METTL15: variants seen among roughly 807,000 people sequenced by gnomAD.
The protein encoded by METTL15 is 12S rRNA N(4)-cytidine methyltransferase METTL15.
METTL15 carries 34 observed loss-of-function variants against 38.3 expected under a neutral mutation model. The ratio of observed to expected loss-of-function variants is 0.89; its 90% CI spans 0.68 to 1.18. METTL15 has a LOEUF of 1.18. METTL15 is among the 50% of genes most tolerant of loss of function. The pLI is 0.00. For synonymous variants in METTL15, 162 were observed against 170.9 expected (o/e 0.95, Z 0.41); for missense variants, 438 against 498.4 (o/e 0.88, Z 1.15).
intron 6 of METTL15, among the ~76,000 whole-genome samples, chr11:28,430,402 G>A (rs1350782756): frequency 1.4e-4 from 9 of 64,506 alleles, no homozygotes; most frequent in African/African-American, 2.8e-4. Flanking sequence ...CCGGCCAGCC[G>A]CCCCGTCCGG....
intron 4 of METTL15, among the ~76,000 whole-genome samples, chr11:28,354,375 G>A (rs1200454734): frequency 6.6e-6 from 1 of 152,194 alleles, no homozygotes. Flanking sequence ...CAGTGAAGAA[G>A]TGGGCTTTAT....
intron 4 of METTL15, among the ~76,000 whole-genome samples, chr11:28,219,252 A>G (rs890594307): frequency 6.6e-6 from 1 of 152,160 alleles, no homozygotes. Context: ...TTATTGGTCT[A>G]TTCAGAGATT....
chr11:28,495,337 G>C (rs1851527157), intron 6 of METTL15, among the ~76,000 whole-genome samples: 1 of 152,090 alleles, frequency 6.6e-6, no homozygotes, highest in South Asian at 2.1e-4. Context: ...AGTTTAGAAG[G>C]GCTGGAGGAT....
chr11:28,400,039 A>G (rs560444245), intron 5 of METTL15, among the ~76,000 whole-genome samples: 1 of 152,032 alleles, frequency 6.6e-6, no homozygotes, highest in South Asian at 2.1e-4. Context: ...GATTTGCCTC[A>G]TCTTAGATCA....
chr11:28,234,959 A>T (rs903693675), intron 4 of METTL15, among the ~76,000 whole-genome samples: 2 of 151,030 alleles, frequency 1.3e-5, no homozygotes, highest in African/African-American at 4.9e-5. Flanking sequence ...TAAATCTTTA[A>T]TCCATCTTGA....
At chr11:28,220,526 A>C (rs376074677) in intron 4 of METTL15, among the ~76,000 whole-genome samples, 34 of 152,214 alleles carry the variant, frequency 2.2e-4, no homozygotes, top group East Asian at 2.1e-3. Context: ...ATTTGCCAGT[A>C]TGTGTCTTTT....
At chr11:28,398,520 G>T (rs1013236824) in intron 5 of METTL15, among the ~76,000 whole-genome samples, 4 of 151,768 alleles carry the variant, frequency 2.6e-5, no homozygotes, top group African/African-American at 9.7e-5. Flanking sequence ...CTTTTTGATG[G>T]GGTTGTTTTT....
chr11:28,386,372 G>A (rs1850440938), intron 5 of METTL15, among the ~76,000 whole-genome samples: 1 of 151,696 alleles, frequency 6.6e-6, no homozygotes, highest in African/African-American at 2.4e-5. Flanking sequence ...ATCAGCAAAA[G>A]GATGAAAAAT....
intron 6 of METTL15, among the ~76,000 whole-genome samples, chr11:28,441,034 T>C (rs957368923): frequency 2.7e-5 from 4 of 147,996 alleles, no homozygotes; most frequent in African/African-American, 9.9e-5. Flanking sequence ...GGGGGCATTC[T>C]GGTTGGCTTT....
chr11:28,532,336 A>G, the METTL15 span, among the ~76,000 whole-genome samples: 1 of 152,058 alleles, frequency 6.6e-6, no homozygotes, highest in Non-Finnish European at 1.5e-5. Flanking sequence ...TTTTTATTCC[A>G]TAGCTATACC....
At chr11:28,304,684 C>T (rs1399099253) in intron 6 of METTL15, among the ~76,000 whole-genome samples, 1 of 151,640 alleles carries the variant, frequency 6.6e-6, no homozygotes, top group Admixed American at 6.6e-5. Flanking sequence ...CCACTGCACT[C>T]CAGCCTGGGT....
At chr11:28,122,359 GTGTGTGTGTGTGTA>G (rs766606688) in intron 3 of METTL15, among the ~76,000 whole-genome samples, 34,970 of 139,720 alleles carry the variant, frequency 0.25, 4,292 homozygotes, top group African/African-American at 0.31. Context: ...GTGTGTGTGT[GTGTGTGTGTGTGTA>G]TATATATATA....
chr11:28,453,684 T>C (rs1036129772), intron 6 of METTL15, among the ~76,000 whole-genome samples: 1 of 152,238 alleles, frequency 6.6e-6, no homozygotes, highest in Non-Finnish European at 1.5e-5. Flanking sequence ...AACCACAAGA[T>C]GGCTTTTGGA....
chr11:28,184,521 A>G (rs1230139950), intron 3 of METTL15, among the ~76,000 whole-genome samples: 2 of 151,920 alleles, frequency 1.3e-5, no homozygotes, highest in Non-Finnish European at 2.9e-5. Flanking sequence ...TTATTTACCC[A>G]GTAGTCATTC....
At chr11:28,224,489 A>G (rs1853389021) in intron 4 of METTL15, among the ~76,000 whole-genome samples, 1 of 151,918 alleles carries the variant, frequency 6.6e-6, no homozygotes, top group South Asian at 2.1e-4. Context: ...ACTAACACCA[A>G]CGTAAACAGG....
Position 28,208,950 on chromosome 11 carries a change from A to G in METTL15, c.271-2112A>G, listed in dbSNP as rs372191862. ...ATCACGTATTAACTCAGGACATATG[A>G]TGGGTTTCCCTTCTAGTTTCATAAA... On this transcript the variant is annotated intron_variant, in intron 3 of 6. Transcript: ENST00000407364. 8.5e-5 allele frequency among the ~76,000 whole-genome samples: 13 copies of G among 152,058 alleles called. No individual in the cohort carries two copies. In the South Asian group the frequency reaches 1.0e-3, roughly 12 times the overall value.
At position 28,209,475 on chromosome 11, in the gene METTL15, ATTGT is replaced by A. The variant is rs558604592; in HGVS notation, c.271-1584_271-1581del. Among the ~76,000 whole-genome samples, 13 of 152,198 alleles carry A rather than the reference ATTGT, an allele frequency of 8.5e-5. No homozygotes were observed. The South Asian group carries it at 2.3e-3, about 27-fold the overall frequency. Reference sequence around the variant, plus strand: ...TAAGTGTTTCTATAAATAAAAAGATATTGTTTAAAATGGTAAAAATATATTTAGC... The same window carrying A: ...TAAGTGTTTCTATAAATAAAAAGATATTAAAATGGTAAAAATATATTTAGC... On this transcript the variant is annotated intron_variant, in intron 3 of 6. Coordinates refer to ENST00000407364, the MANE Select transcript of METTL15 (RefSeq NM_001113528.2).
chr11:28,339,690 T>G (rs1471841818), intron 3 of METTL15, among the ~76,000 whole-genome samples: 1 of 152,062 alleles, frequency 6.6e-6, no homozygotes, highest in Non-Finnish European at 1.5e-5. Context: ...CTAAAACTGA[T>G]GAAAGACATC....
chr11:28,177,334 A>C (rs1233265921), intron 3 of METTL15, among the ~76,000 whole-genome samples: 1 of 152,034 alleles, frequency 6.6e-6, no homozygotes, highest in African/African-American at 2.4e-5. Flanking sequence ...TTTTTAAAAA[A>C]AGTACTTGGC....
Sources: allele counts gnomAD v4.1 joint callset (sites outside exome capture counted in the v4.1 genomes callset), GRCh38; gene constraint gnomAD v4.1.1; transcripts MANE v1.5; gene names NCBI Gene and HGNC (gene_info 2026-07-23, HGNC 2026-07-21).